The following RANBP3 variants were observed in gnomAD, a reference collection of about 807,000 sequenced individuals.
RANBP3 encodes the protein ran-binding protein 3.
RANBP3 carries 14 observed loss-of-function variants against 77.3 expected under a neutral mutation model. The ratio of observed to expected loss-of-function variants is 0.18; its 90% CI spans 0.12 to 0.28. The LOEUF is 0.28. Ranked by LOEUF, RANBP3 falls within the 10% of genes least tolerant of loss-of-function variation. RANBP3 has a pLI of 1.00. For missense variants in RANBP3, 586 were observed against 752.3 expected, an observed-to-expected ratio of 0.78 and a Z score of 2.59; for synonymous variants, 315 against 312.4, an observed-to-expected ratio of 1.01 and a Z score of -0.09.
intron 14 of RANBP3, among the ~76,000 whole-genome samples, chr19:5,919,901 C>CAAAA (rs5826910): frequency 6.9e-5 from 9 of 129,940 alleles, no homozygotes; most frequent in South Asian, 5.3e-4. Flanking sequence ...AACTCCGTCT[C>CAAAA]AAAAAAAAAA....
chr19:5,928,151 C>T (rs1324078469), intron 8 of RANBP3, 64 bp from the exon 9 acceptor site: 6 of 1,553,462 alleles, frequency 3.9e-6, no homozygotes, highest in East Asian at 2.3e-5. Context: ...CAGACGGATG[C>T]CCAGCAATCC....
At chr19:5,930,741 G>T (rs928682606) in intron 8 of RANBP3, among the ~76,000 whole-genome samples, 1 of 152,082 alleles carries the variant, frequency 6.6e-6, no homozygotes, top group South Asian at 2.1e-4. Context: ...GCTAATCTGT[G>T]TATTTTTTGT....
chr19:5,954,695 CT>C (rs749010973), intron 2 of RANBP3, among the ~76,000 whole-genome samples: 52 of 152,316 alleles, frequency 3.4e-4, no homozygotes, highest in Admixed American at 1.1e-3. Context: ...CCCAGCTCGG[CT>C]TCTGGAGAGC....
At position 5,924,408 on chromosome 19, in the gene RANBP3, G is replaced by A. The variant is rs1473679907; in HGVS notation, c.996+419C>T. ...TCCTGGGAACGGAGATGGGCCTTTC[G>A]TGCACCCAAGGCCTTGGCCGCGGTT... On this transcript the variant is annotated intron_variant, in intron 11 of 16. Transcript: ENST00000340578. This position sits in a 1 kb window ranked among gnomAD's most constrained non-coding sequence, Gnocchi z 4.7. Among the ~76,000 whole-genome samples the A allele has an allele frequency of 1.3e-5, 2 of 152,240 alleles. No individual in the cohort carries two copies. Among genetic ancestry groups the A allele is most frequent in the African/African-American group, 2.4e-5 (1 of 41,462 alleles).
At chr19:5,918,386 A>AGGGGGGGG in intron 15 of RANBP3, 110 bp downstream of exon 15, 1 of 617,696 alleles carries the variant, frequency 1.6e-6, no homozygotes, top group Non-Finnish European at 2.5e-6. Context: ...GAAGCAACTG[A>AGGGGGGGG]AGCCCCTCCC....
chr19:5,923,905 T>C lies in RANBP3; in HGVS notation c.1006A>G (p.Lys336Glu). ...GCATCTGAACTGACCTCGTTTAATT[T>C]TGGGGGGCTCTGCAGGGACACAAAA... is the stretch of plus-strand genomic sequence containing the variant. ...NMSERVLSPPKLNEVSSDANR... is the reference protein window; with the variant it reads ...NMSERVLSPPELNEVSSDANR... Residue 336 changes from lysine (K) to glutamate (E), a missense_variant, in exon 12 of 17, where the codon AAA (lysine) becomes GAA (glutamate). Transcript: ENST00000340578. 6 of 1,613,928 alleles carry C rather than the reference T, an allele frequency of 3.7e-6. No individual in the cohort carries two copies. The highest frequency in any genetic ancestry group is 4.2e-6 in the Non-Finnish European group (5 of 1,179,844).
rs975613852 is a variant in RANBP3, at chr19:5,972,525, A to G, written c.22+5536T>C. Among the ~76,000 whole-genome samples the G allele has an allele frequency of 3.3e-5, 5 of 152,296 alleles. No homozygotes were observed. The South Asian group carries it at 8.3e-4, about 25-fold the overall frequency. On this transcript the variant is annotated intron_variant, in intron 1 of 16. Coordinates refer to ENST00000340578, the MANE Select transcript of RANBP3 (RefSeq NM_007322.3). ...CTGAATAGATAATGATGCAAGCCCA[A>G]CTGCCTCACGATTGCTTCAAAGTAC... is the stretch of plus-strand genomic sequence containing the variant.
intron 14 of RANBP3, among the ~76,000 whole-genome samples, chr19:5,920,134 C>A (rs1046234365): frequency 6.6e-6 from 1 of 152,092 alleles, no homozygotes; most frequent in Admixed American, 6.5e-5. Flanking sequence ...CAGTGGCCCA[C>A]GCCTGTAATT....
At chr19:5,942,897 G>A (rs2058157466) in intron 3 of RANBP3, among the ~76,000 whole-genome samples, 1 of 151,928 alleles carries the variant, frequency 6.6e-6, no homozygotes, top group Non-Finnish European at 1.5e-5. Flanking sequence ...GCAGGGGGGT[G>A]AATGCCTGTA....
chr19:5,933,171 C>T, intron 6 of RANBP3: 3 of 469,558 alleles, frequency 6.4e-6, no homozygotes, highest in Non-Finnish European at 1.1e-5. Flanking sequence ...CCGATGCACC[C>T]CGCCTAGCCT....
chr19:5,948,559 G>C (rs2058237027), intron 3 of RANBP3, among the ~76,000 whole-genome samples: 1 of 152,178 alleles, frequency 6.6e-6, no homozygotes, highest in Admixed American at 6.5e-5. Flanking sequence ...GTCATGGCTG[G>C]ATACCTGGGA....
intron 3 of RANBP3, among the ~76,000 whole-genome samples, chr19:5,947,597 G>C (rs574876466): frequency 6.6e-6 from 1 of 152,342 alleles, no homozygotes; most frequent in Non-Finnish European, 1.5e-5. Context: ...GAAGACCAGA[G>C]GGCCCTTTGA....
At chr19:5,931,315 G>A (rs367675968) in intron 8 of RANBP3, 89 bp downstream of exon 8, 26 of 1,471,484 alleles carry the variant, frequency 1.8e-5, no homozygotes, top group East Asian at 1.7e-4. Flanking sequence ...AGGTGACAGC[G>A]TGTGGACTCC....
intron 5 of RANBP3, among the ~76,000 whole-genome samples, chr19:5,937,968 C>A (rs1198908797): frequency 2.6e-5 from 4 of 152,208 alleles, no homozygotes; most frequent in Non-Finnish European, 5.9e-5. Context: ...CAGACCACCA[C>A]CTGCTAAGCG....
At chr19:5,968,025 A>C (rs2086765610) in intron 1 of RANBP3, among the ~76,000 whole-genome samples, 1 of 152,182 alleles carries the variant, frequency 6.6e-6, no homozygotes, top group African/African-American at 2.4e-5. Flanking sequence ...TCCAAAAAAA[A>C]AGAAAAGAAA....
intron 1 of RANBP3, among the ~76,000 whole-genome samples, chr19:5,963,905 C>A (rs898000902): frequency 1.3e-5 from 2 of 152,188 alleles, no homozygotes; most frequent in Non-Finnish European, 2.9e-5. Flanking sequence ...GCTCACATGC[C>A]CAGACAGCAC....
intron 8 of RANBP3, among the ~76,000 whole-genome samples, chr19:5,929,759 T>C (rs531918894): frequency 1.4e-4 from 21 of 152,338 alleles, no homozygotes; most frequent in African/African-American, 4.8e-4. Flanking sequence ...GGACTCCTGC[T>C]GTAGGGCCAG....
intron 8 of RANBP3, among the ~76,000 whole-genome samples, chr19:5,929,462 C>CA (rs2057958640): frequency 6.6e-6 from 1 of 152,234 alleles, no homozygotes; most frequent in South Asian, 2.1e-4. Context: ...ATGGGGCAGG[C>CA]AAACAGCAAA....
At chr19:5,948,000 G>C (rs780561055) in intron 3 of RANBP3, among the ~76,000 whole-genome samples, 16 of 152,318 alleles carry the variant, frequency 1.1e-4, no homozygotes, top group Admixed American at 4.6e-4. Context: ...CAGACTGTCT[G>C]GTGTGTCCTC....
Sources: gnomAD v4.1 joint callset for allele counts (sites outside exome capture counted in the v4.1 genomes callset) on GRCh38, gnomAD v4.1.1 for gene constraint, Gnocchi (gnomAD v3.1) non-coding constraint, MANE v1.5 for transcripts, NCBI Gene and HGNC (gene_info 2026-07-23, HGNC 2026-07-21) for gene names.